The following PRAG1 variants were observed in gnomAD, a reference collection of about 807,000 sequenced individuals.
The protein encoded by PRAG1 is inactive tyrosine-protein kinase PRAG1.
PRAG1 carries 110 observed loss-of-function variants against 95.6 expected under a neutral mutation model. That is an observed-to-expected ratio of 1.15 (90% CI 0.99 to 1.35). The LOEUF (loss-of-function observed/expected upper bound fraction) is 1.35, where lower values mean the gene tolerates loss of function less well. Among genes scored for constraint, PRAG1 ranks in the 40% most tolerant of loss-of-function variants. PRAG1 has a pLI of 0.00. For missense variants in PRAG1, 2,554 were observed against 1,864.7 expected, an observed-to-expected ratio of 1.37 and a Z score of -6.81; for synonymous variants, 1,052 against 819.4, an observed-to-expected ratio of 1.28 and a Z score of -4.85.
At chr8:8,341,178 C>A (rs1437102851) in intron 3 of PRAG1, among the ~76,000 whole-genome samples, 1 of 152,042 alleles carries the variant, frequency 6.6e-6, no homozygotes, top group Non-Finnish European at 1.5e-5. Flanking sequence ...GTCTTCAGGC[C>A]CAGAAAATCA....
At position 8,318,819 on chromosome 8, in the gene PRAG1, G is replaced by A. The variant is rs1475332574; in HGVS notation, c.3556C>T (p.Pro1186Ser). The change falls in exon 6 of 6, where the codon CCG becomes TCG. Residue 1186 changes from proline to serine, a missense_variant. Physicochemically the swap from Pro to Ser is moderately conservative, Grantham distance 74 (BLOSUM62 -1). Coordinates refer to ENST00000615670, the MANE Select transcript of PRAG1 (RefSeq NM_001080826.3). This position sits in a 1 kb window ranked among gnomAD's most constrained non-coding sequence, Gnocchi z 4.2. ...GGGCTGAGAGTGCCACCAGCAGGCG[G>A]GGCGGCAGAGGAGCAGGGAGGCGCG... ...AAAPPCSSAAPPAGGTLSPAA... is the reference protein window; with the variant it reads ...AAAPPCSSAASPAGGTLSPAA... 9.1e-6 allele frequency: 13 copies of A among 1,435,428 alleles called. No individual in the cohort carries two copies. The highest frequency in any genetic ancestry group is 1.5e-5 in the African/African-American group (1 of 67,970). The allele number at this position is 1,435,428 out of a possible 1,614,324, so 88.9% of individuals were successfully genotyped here.
chr8:8,332,457 C>A (rs1798850778), intron 4 of PRAG1, among the ~76,000 whole-genome samples: 3 of 152,086 alleles, frequency 2.0e-5, no homozygotes, highest in African/African-American at 7.2e-5. Flanking sequence ...AGCTACTGTG[C>A]CCGGTCTATT....
At chr8:8,386,229 C>A (rs978165885) in intron 1 of PRAG1, 92 bp downstream of exon 1, 3 of 152,264 alleles carry the variant, frequency 2.0e-5, no homozygotes, top group African/African-American at 7.2e-5. Context: ...GTAGCCCGCT[C>A]GGCGATCGCA....
intron 3 of PRAG1, among the ~76,000 whole-genome samples, chr8:8,362,728 A>G (rs1397576979): frequency 2.0e-5 from 3 of 152,222 alleles, no homozygotes; most frequent in African/African-American, 7.2e-5. Context: ...ATCCTGCCAC[A>G]AGAGCACACT....
Position 8,319,205 on chromosome 8 carries a change from G to A in PRAG1, c.3170C>T (p.Ser1057Leu), listed in dbSNP as rs760371279. 3.1e-6 allele frequency: 5 copies of A among 1,589,780 alleles called. No homozygotes were observed. The South Asian group carries it at 4.5e-5, about 14-fold the overall frequency. ...GGAGCTGAGCATGCTGGACGGCACC[G>A]AGGCGACGAAGTGGCCGCAGTCCTG... ...IQQDCGHFVASVPSSMLSSPD... is the reference protein window; with the variant it reads ...IQQDCGHFVALVPSSMLSSPD... The change falls in exon 6 of 6, where the codon TCG becomes TTG. Residue 1057 changes from serine (S) to leucine (L), a missense_variant. By Grantham distance (145) the Ser-to-Leu change is moderately radical (BLOSUM62 -2). Transcript: ENST00000615670.
rs138077576 is a variant in PRAG1 at position 8,355,475 on chromosome 8, G to GA, written c.2163-15841dup. Among the ~76,000 whole-genome samples the GA allele has an allele frequency of 4.6e-3, 699 of 152,068 alleles. 4 individuals are homozygous for GA. Among genetic ancestry groups the GA allele is most frequent in the African/African-American group, 0.016 (652 of 41,506 alleles). On this transcript the variant is annotated intron_variant, in intron 3 of 5. Transcript: ENST00000615670. ...AAATAGTCAAAGCAATATTGAGAAA[G>GA]AAAAAAGGAAAGATGAATTTGGAGC...
At chr8:8,324,570 A>T (rs544997466) in intron 5 of PRAG1, among the ~76,000 whole-genome samples, 16 of 151,732 alleles carry the variant, frequency 1.1e-4, no homozygotes, top group African/African-American at 3.9e-4. Context: ...CCATCTCCCT[A>T]CTCCCTGCCC....
chr8:8,368,568 G>A (rs910728781), intron 3 of PRAG1, among the ~76,000 whole-genome samples: 14 of 152,162 alleles, frequency 9.2e-5, no homozygotes, highest in African/African-American at 3.4e-4. Context: ...TCTTTAATGA[G>A]GGCATTAACA....
At chr8:8,326,132 A>G (rs1798630655) in intron 5 of PRAG1, among the ~76,000 whole-genome samples, 1 of 147,774 alleles carries the variant, frequency 6.8e-6, no homozygotes. Context: ...TACTACTACT[A>G]TTAATAATAT....
intron 3 of PRAG1, among the ~76,000 whole-genome samples, chr8:8,351,888 G>A (rs544373485): frequency 6.6e-6 from 1 of 152,040 alleles, no homozygotes; most frequent in Admixed American, 6.5e-5. Context: ...TCTGGTGTTT[G>A]GTTAAACAAA....
At chr8:8,368,577 C>T (rs1800087230) in intron 3 of PRAG1, among the ~76,000 whole-genome samples, 1 of 152,208 alleles carries the variant, frequency 6.6e-6, no homozygotes, top group Admixed American at 6.5e-5. Flanking sequence ...AGGGCATTAA[C>T]AATCCCAAAA....
Position 8,377,970 on chromosome 8 carries a change from T to C in PRAG1, c.439A>G (p.Thr147Ala), listed in dbSNP as rs1314594267. 2 of 1,612,354 alleles carry C rather than the reference T, an allele frequency of 1.2e-6. No individual in the cohort carries two copies. The highest frequency in any genetic ancestry group is 1.7e-6 in the Non-Finnish European group (2 of 1,179,652). The change falls in exon 3 of 6, where the codon ACC becomes GCC. Residue 147 changes from threonine to alanine, a missense_variant. Transcript: ENST00000615670. ...RGVQKPAGPS[T>A]SPDGNSRCPP... is the part of the protein sequence containing the mutation. ...CAGCGAGAATTGCCATCAGGGGAGGTAGAGGGACCAGCAGGCTTCTGTACA... is the reference window on the plus strand; with the variant it reads ...CAGCGAGAATTGCCATCAGGGGAGGCAGAGGGACCAGCAGGCTTCTGTACA...
chr8:8,356,314 G>C (rs1482039319), intron 3 of PRAG1, among the ~76,000 whole-genome samples: 1 of 152,078 alleles, frequency 6.6e-6, no homozygotes, highest in Non-Finnish European at 1.5e-5. Context: ...GTGCATTTTT[G>C]GTGGAAATGT....
At chr8:8,332,782 A>G (rs951951166) in intron 4 of PRAG1, among the ~76,000 whole-genome samples, 2 of 152,132 alleles carry the variant, frequency 1.3e-5, no homozygotes, top group African/African-American at 2.4e-5. Context: ...GCTGTCTTCT[A>G]TGGAATCTAA....
intron 3 of PRAG1, chr8:8,374,796 C>A (rs1800324663): frequency 3.4e-6 from 2 of 587,456 alleles, no homozygotes; most frequent in African/African-American, 4.0e-5. Context: ...GAAAAAAACC[C>A]ACGTTAGATC....
chr8:8,325,379 G>A (rs1419813455), intron 5 of PRAG1, among the ~76,000 whole-genome samples: 1 of 152,074 alleles, frequency 6.6e-6, no homozygotes, highest in Non-Finnish European at 1.5e-5. Context: ...GAGCTACCAC[G>A]TCTCCAGGAA....
rs181419144 is a variant in PRAG1, at chr8:8,330,772, C to G, written c.2321-2311G>C. The stretch of plus-strand genomic sequence containing the variant: ...ACGCTCCCCAGGAAAGCAATGGGGA[C>G]AGACGGAGGCTAGGGCAGATGATTC... On this transcript the variant is annotated intron_variant, in intron 4 of 5. Transcript: ENST00000615670. Among the ~76,000 whole-genome samples the G allele has an allele frequency of 3.6e-4, 55 of 152,296 alleles. 1 individual carries two copies. The East Asian group carries it at 9.9e-3, about 27-fold the overall frequency.
At chr8:8,321,238 C>G (rs1320315007) in intron 5 of PRAG1, among the ~76,000 whole-genome samples, 3 of 152,204 alleles carry the variant, frequency 2.0e-5, no homozygotes, top group African/African-American at 7.2e-5. Context: ...GTGTGCACCA[C>G]CATGTCCAAC....
chr8:8,379,620 C>T (rs751766830), intron 2 of PRAG1, among the ~76,000 whole-genome samples: 12 of 152,200 alleles, frequency 7.9e-5, no homozygotes, highest in African/African-American at 1.2e-4. Context: ...TTCATATATG[C>T]TCACACAGCC....
Sources: gnomAD v4.1 joint callset for allele counts (sites outside exome capture counted in the v4.1 genomes callset) on GRCh38, gnomAD v4.1.1 for gene constraint, Gnocchi (gnomAD v3.1) non-coding constraint, MANE v1.5 for transcripts, NCBI Gene and HGNC (gene_info 2026-07-23, HGNC 2026-07-21) for gene names.